SPTLC2: variants seen among roughly 807,000 people sequenced by gnomAD.
SPTLC2 encodes serine palmitoyltransferase 2.
SPTLC2 carries 21 observed loss-of-function variants against 62.0 expected under a neutral mutation model. That is an observed-to-expected ratio of 0.34 (90% CI 0.24 to 0.49). The LOEUF (loss-of-function observed/expected upper bound fraction) is 0.49, where lower values mean the gene tolerates loss of function less well. Among genes scored for constraint, SPTLC2 ranks in the 20% least tolerant of loss-of-function variants. The probability of loss-of-function intolerance (pLI) is 0.99; values close to 1 mark genes in which losing one functional copy is unlikely to be tolerated. For missense variants in SPTLC2, 511 were observed against 713.0 expected, an observed-to-expected ratio of 0.72 and a Z score of 3.23; for synonymous variants, 261 against 261.8, an observed-to-expected ratio of 1.00 and a Z score of 0.03.
intron 9 of SPTLC2, among the ~76,000 whole-genome samples, chr14:77,548,915 AG>A (rs1440631609): frequency 1.3e-5 from 2 of 152,244 alleles, no homozygotes; most frequent in Non-Finnish European, 2.9e-5. Flanking sequence ...TTTAACAATA[AG>A]CAACCACATA....
Position 77,509,752 on chromosome 14 carries a change from G to A in SPTLC2, c.*2532C>T. 2.5e-6 allele frequency: 1 copy of A among 396,602 alleles called. No homozygotes were observed. 24.6% of individuals were successfully genotyped at this position (396,602 alleles called of 1,614,324 possible). A position where few individuals can be genotyped will look rare whatever the true frequency, so the allele number is the denominator to read the frequency against. ...GTTTCAAGAAGAGACAACCAACCATGTATAATGTCTACATAACATTTTGTT... is the reference window on the plus strand; with the variant it reads ...GTTTCAAGAAGAGACAACCAACCATATATAATGTCTACATAACATTTTGTT... On this transcript the variant is annotated 3_prime_UTR_variant, in exon 12 of 12. Transcript: ENST00000216484.
intron 9 of SPTLC2, among the ~76,000 whole-genome samples, chr14:77,545,055 C>A (rs1337772084): frequency 2.0e-5 from 3 of 151,994 alleles, no homozygotes; most frequent in Admixed American, 6.6e-5. Context: ...ATTACCATGG[C>A]CCCCTTGAAG....
intron 10 of SPTLC2, among the ~76,000 whole-genome samples, chr14:77,521,118 C>T (rs916791790): frequency 6.6e-6 from 1 of 152,226 alleles, no homozygotes; most frequent in Non-Finnish European, 1.5e-5. Context: ...CTTCTAACAT[C>T]GTACACAGTT....
intron 9 of SPTLC2, among the ~76,000 whole-genome samples, chr14:77,525,674 G>A (rs2139997444): frequency 6.6e-6 from 1 of 152,328 alleles, no homozygotes; most frequent in African/African-American, 2.4e-5. Flanking sequence ...ACTTTGGGAG[G>A]CTGAAGCGGG....
chr14:77,518,814 C>A (rs1325662808), intron 10 of SPTLC2, among the ~76,000 whole-genome samples: 5 of 152,140 alleles, frequency 3.3e-5, no homozygotes, highest in African/African-American at 1.2e-4. Flanking sequence ...CCAGATCACA[C>A]GTTTCTTTAA....
chr14:77,604,193 C>T (rs990450632), intron 1 of SPTLC2, among the ~76,000 whole-genome samples: 1 of 152,156 alleles, frequency 6.6e-6, no homozygotes, highest in Non-Finnish European at 1.5e-5. Flanking sequence ...GACACCTCTG[C>T]CGAAAGAAAT....
chr14:77,616,296 T>C, intron 1 of SPTLC2, 152 bp downstream of exon 1: 1 of 362,748 alleles, frequency 2.8e-6, no homozygotes. Context: ...CTCGTGGAGG[T>C]CGGGCCAGCG....
intron 6 of SPTLC2, 147 bp from the exon 7 acceptor site, chr14:77,557,293 A>T (rs572648197): frequency 2.6e-5 from 18 of 683,538 alleles, no homozygotes; most frequent in Middle Eastern, 3.7e-4. Context: ...AGCAGGGCAA[A>T]ATAGGTGAAT....
intron 9 of SPTLC2, 36 bp downstream of exon 9, chr14:77,552,060 G>A: frequency 6.2e-7 from 1 of 1,612,368 alleles, no homozygotes; most frequent in South Asian, 1.1e-5. Context: ...GCTGCTAGGT[G>A]GACTTATGCA....
intron 8 of SPTLC2, among the ~76,000 whole-genome samples, chr14:77,554,196 T>C (rs1418458694): frequency 1.3e-5 from 2 of 152,232 alleles, no homozygotes; most frequent in Non-Finnish European, 2.9e-5. Flanking sequence ...CTGTGCCATA[T>C]ACAAATACCT....
intron 4 of SPTLC2, among the ~76,000 whole-genome samples, chr14:77,574,820 C>G (rs1281973962): frequency 6.6e-6 from 1 of 151,652 alleles, no homozygotes; most frequent in East Asian, 1.9e-4. Context: ...AAGTAGACTA[C>G]TGGTTGCCAA....
chr14:77,585,825 T>C (rs11847969), intron 2 of SPTLC2, among the ~76,000 whole-genome samples: 7,417 of 152,272 alleles, frequency 0.049, 604 homozygotes, highest in African/African-American at 0.17. Context: ...ATGCCATACT[T>C]ATTTTAAAAA....
intron 2 of SPTLC2, among the ~76,000 whole-genome samples, chr14:77,589,671 T>C (rs993110388): frequency 6.6e-5 from 10 of 151,916 alleles, no homozygotes; most frequent in Non-Finnish European, 1.2e-4. Context: ...ATGCCTGTAA[T>C]CCCAGCTACT....
rs2079529393 is a variant in SPTLC2, at chr14:77,546,622, T to A, written c.1303+5474A>T. Among the ~76,000 whole-genome samples, 4 of 152,226 alleles carry A rather than the reference T, an allele frequency of 2.6e-5. No homozygotes were observed. The East Asian group carries it at 7.7e-4, about 29-fold the overall frequency. On this transcript the variant is annotated intron_variant, in intron 9 of 11. Coordinates refer to ENST00000216484, the MANE Select transcript of SPTLC2 (RefSeq NM_004863.4). Reference sequence around the variant, plus strand: ...GAATCTTACCCCTACCACTGGACTGTTTTTTCAAAGGCAAAGATCACCTAT... The same window carrying A: ...GAATCTTACCCCTACCACTGGACTGATTTTTCAAAGGCAAAGATCACCTAT...
intron 4 of SPTLC2, among the ~76,000 whole-genome samples, chr14:77,575,238 T>C (rs1330633502): frequency 6.6e-6 from 1 of 152,200 alleles, no homozygotes; most frequent in Non-Finnish European, 1.5e-5. Context: ...AATCTATCTA[T>C]ATATCCATGT....
chr14:77,554,963 C>G (rs1241164754), intron 8 of SPTLC2: 1 of 354,628 alleles, frequency 2.8e-6, no homozygotes, highest in Non-Finnish European at 5.4e-6. Context: ...CCATGACAAC[C>G]CCACTGTTTT....
chr14:77,562,986 C>T (rs112063190), intron 5 of SPTLC2, among the ~76,000 whole-genome samples: 4,462 of 152,212 alleles, frequency 0.029, 92 homozygotes, highest in Non-Finnish European at 0.043. Flanking sequence ...GGACTGTAGG[C>T]TTCAGTTTTG....
chr14:77,581,816 T>C (rs958397424), intron 2 of SPTLC2, among the ~76,000 whole-genome samples: 1 of 152,174 alleles, frequency 6.6e-6, no homozygotes, highest in African/African-American at 2.4e-5. Context: ...TTAAATGGCA[T>C]GTCCATTTTG....
At chr14:77,577,919 CA>C (rs149431926) in intron 3 of SPTLC2, among the ~76,000 whole-genome samples, 4,105 of 152,054 alleles carry the variant, frequency 0.027, 190 homozygotes, top group African/African-American at 0.094. Flanking sequence ...CCAAGGTGGG[CA>C]GATCACTTGA....
Sources: allele counts gnomAD v4.1 joint callset (sites outside exome capture counted in the v4.1 genomes callset), GRCh38; gene constraint gnomAD v4.1.1; transcripts MANE v1.5; gene names NCBI Gene and HGNC (gene_info 2026-07-23, HGNC 2026-07-21).